The following ATAD1 variants were observed in gnomAD, a reference collection of about 807,000 sequenced individuals.
ATAD1 encodes the protein outer mitochondrial transmembrane helix translocase.
Under a neutral mutation model 42.7 loss-of-function variants are expected in ATAD1, and 18 were observed. The ratio of observed to expected loss-of-function variants is 0.42; its 90% CI spans 0.29 to 0.63. The LOEUF is 0.63. Among genes scored for constraint, ATAD1 ranks in the 20% least tolerant of loss-of-function variants. ATAD1 has a pLI of 0.19. For missense variants in ATAD1, 294 were observed against 440.4 expected, an observed-to-expected ratio of 0.67 and a Z score of 2.98; for synonymous variants, 132 against 143.1, an observed-to-expected ratio of 0.92 and a Z score of 0.55.
intron 2 of ATAD1, among the ~76,000 whole-genome samples, chr10:87,797,327 A>AG (rs916969816): frequency 2.6e-4 from 40 of 151,964 alleles, no homozygotes; most frequent in Non-Finnish European, 4.7e-4. Context: ...GAGGAAAGAA[A>AG]AAAAAACAAA....
chr10:87,757,271 T>C (rs566871440), intron 8 of ATAD1, among the ~76,000 whole-genome samples: 1 of 125,930 alleles, frequency 7.9e-6, no homozygotes, highest in South Asian at 2.5e-4. Context: ...CAAGAGTCCA[T>C]TACAAAAAAA....
At chr10:87,781,944 C>T (rs1175038942) in intron 5 of ATAD1, among the ~76,000 whole-genome samples, 3 of 138,492 alleles carry the variant, frequency 2.2e-5, no homozygotes, top group African/African-American at 8.8e-5. Context: ...CACACCTGGC[C>T]TGAGAATTGT....
intron 2 of ATAD1, among the ~76,000 whole-genome samples, chr10:87,798,431 T>C (rs1304916216): frequency 6.6e-6 from 1 of 152,126 alleles, no homozygotes; most frequent in Non-Finnish European, 1.5e-5. Flanking sequence ...AACCCTAAGG[T>C]CGACCTACAA....
At chr10:87,797,571 G>A (rs1856458075) in intron 2 of ATAD1, among the ~76,000 whole-genome samples, 1 of 152,160 alleles carries the variant, frequency 6.6e-6, no homozygotes, top group South Asian at 2.1e-4. Context: ...AGAGTCATGG[G>A]CAGAGTCTTC....
At position 87,752,839 on chromosome 10, in the gene ATAD1, C is replaced by T. The variant is rs920031788; in HGVS notation, c.*1848G>A. The T allele has an allele frequency of 6.6e-6, 1 of 152,066 alleles. No homozygotes were observed. The highest frequency in any genetic ancestry group is 1.5e-5 in the Non-Finnish European group (1 of 67,978). The allele number at this position is 152,066 out of a possible 1,614,324, so 9.4% of individuals were successfully genotyped here. On this transcript the variant is annotated 3_prime_UTR_variant, in exon 10 of 10. Coordinates refer to ENST00000680024, the MANE Select transcript of ATAD1 (RefSeq NM_001321967.2). ...TAAAACCACGAAGAAATTGAATAAC[C>T]ACTCCTACTGGATATTGTGAATTTA...
intron 3 of ATAD1, among the ~76,000 whole-genome samples, chr10:87,790,781 G>C (rs1343214822): frequency 6.6e-6 from 1 of 152,148 alleles, no homozygotes; most frequent in Non-Finnish European, 1.5e-5. Flanking sequence ...TGATGGGAAA[G>C]AGCTCATCAG....
At chr10:87,796,808 T>C (rs562129958) in intron 2 of ATAD1, among the ~76,000 whole-genome samples, 1 of 152,140 alleles carries the variant, frequency 6.6e-6, no homozygotes, top group South Asian at 2.2e-4. Flanking sequence ...CCGATAGTAC[T>C]ATTTGCTGAT....
At chr10:87,796,255 T>C (rs1226120166) in intron 2 of ATAD1, among the ~76,000 whole-genome samples, 7 of 152,176 alleles carry the variant, frequency 4.6e-5, no homozygotes, top group African/African-American at 1.7e-4. Flanking sequence ...AAATAAATCT[T>C]GGGGGCCCCA....
chr10:87,828,224 A>G (rs921961355), intron 1 of ATAD1, among the ~76,000 whole-genome samples: 1 of 152,106 alleles, frequency 6.6e-6, no homozygotes, highest in Admixed American at 6.6e-5. Flanking sequence ...TGGCCTCCCA[A>G]AATGTTGGAA....
chr10:87,766,272 A>G (rs1854743692), intron 8 of ATAD1, among the ~76,000 whole-genome samples: 1 of 152,230 alleles, frequency 6.6e-6, no homozygotes, highest in Non-Finnish European at 1.5e-5. Flanking sequence ...ATATTCCTGT[A>G]TAAGTATGAA....
chr10:87,779,432 A>G (rs1855468011), intron 5 of ATAD1, among the ~76,000 whole-genome samples: 1 of 152,336 alleles, frequency 6.6e-6, no homozygotes, highest in South Asian at 2.1e-4. Context: ...CTGGTAAAGG[A>G]CTTGTACCCA....
chr10:87,757,356 T>C (rs1455936297), intron 8 of ATAD1, among the ~76,000 whole-genome samples: 3 of 151,962 alleles, frequency 2.0e-5, no homozygotes, highest in Non-Finnish European at 2.9e-5. Context: ...ATTTAGCACC[T>C]ATACTTTTGC....
chr10:87,784,450 A>T lies in ATAD1; in HGVS notation c.583+20T>A. 2 of 1,607,520 alleles carry T rather than the reference A, an allele frequency of 1.2e-6. No individual in the cohort carries two copies. The highest frequency in any genetic ancestry group is 2.2e-5 in the South Asian group (2 of 90,336). ...CTAAAAATGGCCTTTAAAAATACTC[A>T]TATAGAAAACATAGCATACCTATTT... On this transcript the variant is annotated intron_variant, in intron 5 of 9. Coordinates refer to ENST00000680024, the MANE Select transcript of ATAD1 (RefSeq NM_001321967.2).
intron 1 of ATAD1, among the ~76,000 whole-genome samples, chr10:87,815,937 C>T (rs142875059): frequency 3.9e-5 from 6 of 152,178 alleles, no homozygotes; most frequent in Admixed American, 2.6e-4. Flanking sequence ...TTCCCTTCAG[C>T]GTATCTGTCT....
At chr10:87,796,285 A>G (rs1443246421) in intron 2 of ATAD1, among the ~76,000 whole-genome samples, 1 of 152,230 alleles carries the variant, frequency 6.6e-6, no homozygotes, top group Admixed American at 6.5e-5. Flanking sequence ...GCTAAAGGGA[A>G]AAGTGAAGCT....
intron 2 of ATAD1, among the ~76,000 whole-genome samples, chr10:87,802,674 A>G (rs1306939282): frequency 6.6e-6 from 1 of 151,964 alleles, no homozygotes; most frequent in Non-Finnish European, 1.5e-5. Context: ...TAACAAAATA[A>G]TTATTCTTGC....
At chr10:87,808,667 A>G (rs1231562643) in intron 2 of ATAD1, among the ~76,000 whole-genome samples, 1 of 152,234 alleles carries the variant, frequency 6.6e-6, no homozygotes, top group East Asian at 1.9e-4. Flanking sequence ...ATTTATTGGG[A>G]GAATCATACA....
intron 4 of ATAD1, among the ~76,000 whole-genome samples, chr10:87,784,962 C>A (rs537091369): frequency 4.5e-4 from 68 of 152,290 alleles, no homozygotes; most frequent in Non-Finnish European, 8.5e-4. Flanking sequence ...ACTTTATCAA[C>A]AGTTGAAAAA....
rs1366762263 is a variant in ATAD1, at chr10:87,815,952, T to C, written c.-13-1340A>G. On this transcript the variant is annotated intron_variant, in intron 1 of 9. Transcript: ENST00000680024. The stretch of plus-strand genomic sequence containing the variant: ...TTCCCTTCAGCGTATCTGTCTAGTA[T>C]CCTGCATGGGCCATTTACCCTCATT... Among the ~76,000 whole-genome samples, 3 of 152,122 alleles carry C rather than the reference T, an allele frequency of 2.0e-5. No homozygotes were observed. The East Asian group carries it at 5.8e-4, about 29-fold the overall frequency.
Sources: gnomAD v4.1 joint callset for allele counts (sites outside exome capture counted in the v4.1 genomes callset) on GRCh38, gnomAD v4.1.1 for gene constraint, MANE v1.5 for transcripts, NCBI Gene and HGNC (gene_info 2026-07-23, HGNC 2026-07-21) for gene names.